The following ITSN1 variants were observed in gnomAD, a reference collection of about 807,000 sequenced individuals.
ITSN1 encodes intersectin 1.
ITSN1 carries 58 observed loss-of-function variants against 239.8 expected under a neutral mutation model. The observed-to-expected ratio is 0.24, with a 90% CI of 0.20 to 0.30. The LOEUF is 0.30. Among genes scored for constraint, ITSN1 ranks in the 10% least tolerant of loss-of-function variants. The pLI, the probability that ITSN1 is intolerant of heterozygous loss-of-function variation, is 1.00. For synonymous variants in ITSN1, 780 were observed against 770.8 expected (o/e 1.01, Z -0.20); for missense variants, 1,558 against 2,103.3 (o/e 0.74, Z 5.07).
chr21:33,667,147 TA>T (rs35164633), intron 1 of ITSN1, among the ~76,000 whole-genome samples: 37 of 151,878 alleles, frequency 2.4e-4, no homozygotes, highest in African/African-American at 8.2e-4. Flanking sequence ...TTTTTTTTTT[TA>T]AACTCTTTTT....
At chr21:33,881,913 T>C (rs1984982270) in intron 34 of ITSN1, among the ~76,000 whole-genome samples, 1 of 129,790 alleles carries the variant, frequency 7.7e-6, no homozygotes, top group East Asian at 2.3e-4. Flanking sequence ...ACCACTGCAC[T>C]CCAGCCTGGG....
intron 1 of ITSN1, among the ~76,000 whole-genome samples, chr21:33,696,931 T>TAGTG (rs750685915): frequency 5.9e-5 from 9 of 152,170 alleles, no homozygotes; most frequent in Admixed American, 1.3e-4. Context: ...AGTAGTAAAT[T>TAGTG]AGTGCACTGT....
At chr21:33,727,672 C>A (rs145668928) in intron 4 of ITSN1, among the ~76,000 whole-genome samples, 19 of 151,630 alleles carry the variant, frequency 1.3e-4, no homozygotes, top group African/African-American at 4.6e-4. Context: ...ATCCCTCATT[C>A]CTGAGTCTTT....
chr21:33,854,765 G>T (rs1978998351), intron 29 of ITSN1, among the ~76,000 whole-genome samples: 1 of 152,242 alleles, frequency 6.6e-6, no homozygotes, highest in African/African-American at 2.4e-5. Context: ...GAGGGCTCAA[G>T]CTCAGACACA....
intron 7 of ITSN1, 101 bp from the exon 8 acceptor site, chr21:33,755,196 A>G: frequency 3.7e-6 from 2 of 537,720 alleles, no homozygotes; most frequent in Non-Finnish European, 6.5e-6. Context: ...AAAGTTAGAG[A>G]TGATTATCTA....
At chr21:33,870,845 T>C (rs1982583417) in intron 33 of ITSN1, among the ~76,000 whole-genome samples, 1 of 152,068 alleles carries the variant, frequency 6.6e-6, no homozygotes, top group Non-Finnish European at 1.5e-5. Flanking sequence ...TGGGTGAACG[T>C]GGGGCAGGGA....
intron 8 of ITSN1, among the ~76,000 whole-genome samples, chr21:33,756,463 G>A (rs1390109833): frequency 1.3e-5 from 2 of 151,874 alleles, no homozygotes; most frequent in Non-Finnish European, 2.9e-5. Context: ...GGTAAGGGGA[G>A]GATTATAATC....
chr21:33,878,148 A>T (rs931633118), intron 34 of ITSN1, among the ~76,000 whole-genome samples: 1 of 151,792 alleles, frequency 6.6e-6, no homozygotes, highest in African/African-American at 2.4e-5. Context: ...CTCCCATCTC[A>T]GCTTTCCAAG....
chr21:33,893,404 A>T lies in ITSN1; in HGVS notation c.*5104A>T, dbSNP rs1020106517. On this transcript the variant is annotated 3_prime_UTR_variant, in exon 40 of 40. Coordinates refer to ENST00000381318, the MANE Select transcript of ITSN1 (RefSeq NM_003024.3). The stretch of plus-strand genomic sequence containing the variant: ...CAGGAGTTCGAGAACAGCCTGGCCA[A>T]CGTGGCGAAACCTTGTCTCTACTAA... 4.6e-5 allele frequency: 7 copies of T among 152,188 alleles called. No individual in the cohort carries two copies. Among genetic ancestry groups the T allele is most frequent in the Non-Finnish European group, 8.8e-5 (6 of 68,052 alleles). The allele number at this position is 152,188 out of a possible 1,614,324, so 9.4% of individuals were successfully genotyped here. A position where few individuals can be genotyped will look rare whatever the true frequency, so the allele number is the denominator to read the frequency against.
intron 21 of ITSN1, among the ~76,000 whole-genome samples, chr21:33,812,340 G>A (rs1460583098): frequency 1.3e-5 from 2 of 152,152 alleles, no homozygotes; most frequent in African/African-American, 2.4e-5. Flanking sequence ...TGTATGGTGT[G>A]CAGTTCTCTT....
intron 14 of ITSN1, among the ~76,000 whole-genome samples, chr21:33,779,426 A>C (rs1020000261): frequency 1.3e-5 from 2 of 152,058 alleles, no homozygotes; most frequent in Admixed American, 6.5e-5. Context: ...AATTTCTTCT[A>C]ATTCTTTCAC....
chr21:33,774,653 G>A, intron 12 of ITSN1, 76 bp from the exon 13 acceptor site: 12 of 1,390,238 alleles, frequency 8.6e-6, no homozygotes, highest in African/African-American at 1.5e-5. Flanking sequence ...AGACTTCCTA[G>A]ATGCCATTTT....
At chr21:33,847,826 G>A (rs564165610) in intron 29 of ITSN1, among the ~76,000 whole-genome samples, 3 of 152,290 alleles carry the variant, frequency 2.0e-5, no homozygotes, top group East Asian at 1.9e-4. Flanking sequence ...CGCTTTTCGC[G>A]CCAGGTGTCT....
chr21:33,886,230 A>T, intron 38 of ITSN1, 57 bp from the exon 39 acceptor site: 123 of 1,126,194 alleles, frequency 1.1e-4, no homozygotes, highest in Non-Finnish European at 1.5e-4. Flanking sequence ...AAAAAAAAAG[A>T]GTGGAGATCA....
intron 1 of ITSN1, among the ~76,000 whole-genome samples, chr21:33,648,412 A>G (rs2088180553): frequency 6.6e-6 from 1 of 152,208 alleles, no homozygotes; most frequent in Non-Finnish European, 1.5e-5. Context: ...CATGTTTTAT[A>G]GGCATTTGGG....
chr21:33,689,214 GGTATGCTTCTATAAACTACCA>G (rs1478617978), intron 1 of ITSN1: 2 of 152,134 alleles, frequency 1.3e-5, no homozygotes, highest in Non-Finnish European at 2.9e-5. Flanking sequence ...TCATTCTCTT[GGTATGCTTCTATAAACTACCA>G]GTGCTCAATT....
chr21:33,790,177 C>T (rs1053295334), intron 16 of ITSN1, among the ~76,000 whole-genome samples: 1 of 151,934 alleles, frequency 6.6e-6, no homozygotes, highest in African/African-American at 2.4e-5. Flanking sequence ...ACATAGTATC[C>T]ACAGGGCTGA....
At chr21:33,667,215 C>G (rs1472398941) in intron 1 of ITSN1, among the ~76,000 whole-genome samples, 2 of 150,106 alleles carry the variant, frequency 1.3e-5, no homozygotes, top group African/African-American at 2.5e-5. Flanking sequence ...ATGGTGTAGT[C>G]TCTTTGTTGG....
intron 1 of ITSN1, among the ~76,000 whole-genome samples, chr21:33,700,012 T>C (rs1036799633): frequency 2.0e-5 from 3 of 152,014 alleles, no homozygotes; most frequent in African/African-American, 7.2e-5. Flanking sequence ...TCCTCCTGCC[T>C]CAGCTTCCCA....
Sources: allele counts gnomAD v4.1 joint callset (sites outside exome capture counted in the v4.1 genomes callset), GRCh38; gene constraint gnomAD v4.1.1; transcripts MANE v1.5; gene names NCBI Gene and HGNC (gene_info 2026-07-23, HGNC 2026-07-21).